Variants in PCSK6 observed in about 807,000 individuals in gnomAD.
PCSK6 encodes paired basic amino acid cleaving enzyme 4.
In PCSK6, 85 loss-of-function variants were observed where a neutral mutation model predicts 123.3. The observed-to-expected ratio is 0.69, with a 90% CI of 0.58 to 0.83. The LOEUF is 0.83. PCSK6 is among the 40% of genes least tolerant of loss of function. The probability of loss-of-function intolerance (pLI) is 0.00; values close to 1 mark genes in which losing one functional copy is unlikely to be tolerated. For synonymous variants in PCSK6, 508 were observed against 516.0 expected, an observed-to-expected ratio of 0.98 and a Z score of 0.21; for missense variants, 1,191 against 1,282.3, an observed-to-expected ratio of 0.93 and a Z score of 1.09.
chr15:101,355,363 A>G (rs546057003), intron 13 of PCSK6, among the ~76,000 whole-genome samples: 13 of 152,334 alleles, frequency 8.5e-5, no homozygotes, highest in African/African-American at 2.9e-4. Context: ...TATTTTTTCT[A>G]TTTAGACATT....
chr15:101,351,345 G>C (rs1239342660), intron 13 of PCSK6, among the ~76,000 whole-genome samples: 2 of 152,244 alleles, frequency 1.3e-5, no homozygotes, highest in African/African-American at 4.8e-5. Context: ...CAAAACTGAA[G>C]AGATATTCTT....
intron 1 of PCSK6, among the ~76,000 whole-genome samples, chr15:101,481,474 G>A (rs1288528858): frequency 6.6e-6 from 1 of 152,222 alleles, no homozygotes; most frequent in East Asian, 1.9e-4. Flanking sequence ...CTGAAAGGAA[G>A]CAAAAGCATG....
At chr15:101,360,387 T>C (rs58213191) in intron 13 of PCSK6, among the ~76,000 whole-genome samples, 13,540 of 151,754 alleles carry the variant, frequency 0.089, 1,526 homozygotes, top group African/African-American at 0.26. Flanking sequence ...CTGGTCCCTA[T>C]GCTCTCAATG....
intron 7 of PCSK6, among the ~76,000 whole-genome samples, chr15:101,397,777 G>A (rs959148588): frequency 6.6e-5 from 10 of 152,242 alleles, no homozygotes; most frequent in Admixed American, 2.0e-4. Context: ...ACAAGGATCC[G>A]GAACCAAAGA....
Position 101,369,033 on chromosome 15 carries a change from C to T in PCSK6, c.1721+1302G>A, listed in dbSNP as rs557207300. Among the ~76,000 whole-genome samples the T allele has an allele frequency of 3.9e-5, 6 of 152,126 alleles. 1 individual carries two copies. The highest frequency in any genetic ancestry group is 8.8e-5 in the Non-Finnish European group (6 of 68,028). On this transcript the variant is annotated intron_variant, in intron 12 of 21. Transcript: ENST00000611716. ...GAGGGAGAGGTGCCCCTGTGACACTCGTGCTATGAAAGGAGAATGTGGGAT... is the reference window on the plus strand; with the variant it reads ...GAGGGAGAGGTGCCCCTGTGACACTTGTGCTATGAAAGGAGAATGTGGGAT...
At position 101,449,376 on chromosome 15, in the gene PCSK6, G is replaced by A. The variant is rs117619071; in HGVS notation, c.298-5716C>T. Among the ~76,000 whole-genome samples the A allele has an allele frequency of 3.5e-3, 528 of 151,840 alleles. 3 individuals are homozygous for A. The highest frequency in any genetic ancestry group is 5.4e-3 in the Non-Finnish European group (365 of 67,942). On this transcript the variant is annotated intron_variant, in intron 1 of 21. Coordinates refer to ENST00000611716, the MANE Select transcript of PCSK6 (RefSeq NM_002570.5). ...GGTTGAATGTGTAGATGTGGAACCC[G>A]TGGATAAAGACAGCCAACTGCATAT...
In PCSK6 at chr15:101,444,461, A is replaced by G. The variant is rs544299734; in HGVS notation, c.298-801T>C. ...GGATTTTAAAATCAAGATGGACTGG[A>G]TATCATACAGACCCTCAGGTTGATC... is the stretch of plus-strand genomic sequence containing the variant. On this transcript the variant is annotated intron_variant, in intron 1 of 21. Transcript: ENST00000611716. Among the ~76,000 whole-genome samples, 3 of 152,324 alleles carry G rather than the reference A, an allele frequency of 2.0e-5. No individual in the cohort carries two copies. In the East Asian group the frequency reaches 5.8e-4, roughly 29 times the overall value.
At chr15:101,455,304 C>T (rs1038831724) in intron 1 of PCSK6, among the ~76,000 whole-genome samples, 2 of 152,242 alleles carry the variant, frequency 1.3e-5, no homozygotes, top group Non-Finnish European at 2.9e-5. Context: ...CCCCAAGGCA[C>T]AGCCAAGCAC....
At chr15:101,443,466 C>A in intron 2 of PCSK6, 90 bp downstream of exon 2, 1 of 861,664 alleles carries the variant, frequency 1.2e-6, no homozygotes, top group South Asian at 1.5e-5. Context: ...CATGTCTATC[C>A]AGAATCACAT....
intron 19 of PCSK6, among the ~76,000 whole-genome samples, chr15:101,314,864 T>G (rs35874148): frequency 0.12 from 18,751 of 152,268 alleles, 1,415 homozygotes; most frequent in Non-Finnish European, 0.18. Flanking sequence ...GTCTGGTTTA[T>G]GTTGTTCTGG....
chr15:101,395,573 T>A (rs2042386720), intron 7 of PCSK6, among the ~76,000 whole-genome samples: 2 of 152,152 alleles, frequency 1.3e-5, no homozygotes, highest in East Asian at 3.8e-4. Context: ...AGTGTAGAGA[T>A]GTTTTAACTG....
rs576879216 is a variant in PCSK6, at chr15:101,483,419, T to C, written c.297+5955A>G. On this transcript the variant is annotated intron_variant, in intron 1 of 21. Transcript: ENST00000611716. Reference sequence around the variant, plus strand: ...TTTAAGTAAAACTATTTAAGGCAAGTTCAAGATCATTTAAGGCTCTTAGAT... The same window carrying C: ...TTTAAGTAAAACTATTTAAGGCAAGCTCAAGATCATTTAAGGCTCTTAGAT... 4.6e-5 allele frequency among the ~76,000 whole-genome samples: 7 copies of C among 152,342 alleles called. No individual in the cohort carries two copies. In the East Asian group the frequency reaches 1.3e-3, roughly 29 times the overall value.
At chr15:101,489,328 G>A (rs2058104971) in intron 1 of PCSK6, 46 bp downstream of exon 1, 3 of 1,099,812 alleles carry the variant, frequency 2.7e-6, no homozygotes, top group African/African-American at 1.7e-5. Flanking sequence ...GCGCGCGCCG[G>A]AGGCCGCCGG....
chr15:101,397,556 C>T (rs1421879687), intron 7 of PCSK6, among the ~76,000 whole-genome samples: 1 of 152,172 alleles, frequency 6.6e-6, no homozygotes, highest in Admixed American at 6.5e-5. Flanking sequence ...TGGAACTCCC[C>T]TGGTCCCCAC....
At chr15:101,389,392 G>A in intron 9 of PCSK6, 72 bp downstream of exon 9, 1 of 1,194,614 alleles carries the variant, frequency 8.4e-7, no homozygotes, top group South Asian at 1.2e-5. Context: ...GGGTGAAAAT[G>A]GCCAATGTCA....
At chr15:101,335,440 T>A (rs1351933966) in intron 13 of PCSK6, among the ~76,000 whole-genome samples, 1 of 152,248 alleles carries the variant, frequency 6.6e-6, no homozygotes, top group Admixed American at 6.5e-5. Flanking sequence ...TATACAAGGA[T>A]GGCTCAGAAA....
rs1299980747 is a variant in PCSK6, at chr15:101,307,338, A to G, written c.2700-13T>C. On this transcript the variant is annotated splice_polypyrimidine_tract_variant and intron_variant, in intron 20 of 21. Transcript: ENST00000611716. Reference sequence around the variant, plus strand: ...GTTCTCGTCACACCTGTGGGAAGATACCGTTCCTGCTGAAGTCTGGGGAAG... The same window carrying G: ...GTTCTCGTCACACCTGTGGGAAGATGCCGTTCCTGCTGAAGTCTGGGGAAG... The G allele has an allele frequency of 6.3e-7, 1 of 1,599,030 alleles. No individual in the cohort carries two copies. Among genetic ancestry groups the G allele is most frequent in the East Asian group, 2.2e-5 (1 of 44,594 alleles).
At position 101,400,253 on chromosome 15, in the gene PCSK6, T is replaced by C. The variant is rs368380777; in HGVS notation, c.824-1677A>G. Reference sequence around the variant, plus strand: ...ATACTTTCTTTCTAAATCCTTTTTTTCCCCCACTGAGCTTTATACAGGGCA... The same window carrying C: ...ATACTTTCTTTCTAAATCCTTTTTTCCCCCCACTGAGCTTTATACAGGGCA... On this transcript the variant is annotated intron_variant, in intron 6 of 21. Transcript: ENST00000611716. Among the ~76,000 whole-genome samples, 18 of 152,220 alleles carry C rather than the reference T, an allele frequency of 1.2e-4. No homozygotes were observed. The South Asian group carries it at 1.5e-3, about 12-fold the overall frequency.
intron 1 of PCSK6, among the ~76,000 whole-genome samples, chr15:101,449,269 C>A (rs1423945376): frequency 6.6e-6 from 1 of 152,096 alleles, no homozygotes; most frequent in Non-Finnish European, 1.5e-5. Flanking sequence ...AGTTGTTATA[C>A]CATATTGTTT....
Sources: allele counts gnomAD v4.1 joint callset (sites outside exome capture counted in the v4.1 genomes callset), GRCh38; gene constraint gnomAD v4.1.1; transcripts MANE v1.5; gene names NCBI Gene and HGNC (gene_info 2026-07-23, HGNC 2026-07-21).